POLE: variants seen among roughly 807,000 people sequenced by gnomAD.
The protein encoded by POLE is DNA polymerase epsilon, catalytic subunit, also known as DNA polymerase epsilon catalytic subunit A.
POLE carries 188 observed loss-of-function variants against 279.2 expected under a neutral mutation model. That is an observed-to-expected ratio of 0.67 (90% CI 0.60 to 0.76). The LOEUF (loss-of-function observed/expected upper bound fraction) is 0.76, where lower values mean the gene tolerates loss of function less well. Ranked by LOEUF, POLE falls within the 30% of genes least tolerant of loss-of-function variation. The pLI is 0.00. For synonymous variants in POLE, 1,214 were observed against 1,172.5 expected, an observed-to-expected ratio of 1.04 and a Z score of -0.72; for missense variants, 2,703 against 3,016.7, an observed-to-expected ratio of 0.90 and a Z score of 2.44.
chr12:132,635,811 G>C (rs2042019966), intron 42 of POLE, 81 bp downstream of exon 42: 3 of 1,475,774 alleles, frequency 2.0e-6, no homozygotes, highest in Non-Finnish European at 1.8e-6. Context: ...GGCCCGCCGG[G>C]GCCCTGAGCA....
At chr12:132,643,185 C>A (rs778717278) in intron 35 of POLE, 39 bp downstream of exon 35, 11 of 1,595,096 alleles carry the variant, frequency 6.9e-6, no homozygotes, top group South Asian at 5.5e-5. Context: ...CCAAACCCTG[C>A]CCCAGCCAAT....
At chr12:132,669,050 T>C (rs960533143) in intron 16 of POLE, 111 bp from the exon 17 acceptor site, 27 of 1,026,198 alleles carry the variant, frequency 2.6e-5, no homozygotes, top group Middle Eastern at 2.2e-4. Flanking sequence ...AATATATAAA[T>C]AGAGCAAAAA....
At chr12:132,680,341 C>G (rs1593086687) in intron 3 of POLE, 119 bp from the exon 4 acceptor site, 1 of 921,680 alleles carries the variant, frequency 1.1e-6, no homozygotes, top group Admixed American at 1.9e-5. Context: ...TAGCCTTGAC[C>G]TTGGTAGCAT....
chr12:132,681,219 C>T lies in POLE; in HGVS notation c.123G>A (p.Thr41=), dbSNP rs5744734. Residue 41 remains threonine (T), a synonymous_variant, in exon 2 of 49, where the codon ACG becomes ACA. Transcript: ENST00000320574. ...ALKRLERSQW[T]DKMDLRFGFE... ...AACCAAACCGCAAATCCATCTTATC[C>T]GTCCACTGACTCCGTTCCAGGCGCT... The T allele has an allele frequency of 9.4e-4, 1,522 of 1,614,200 alleles. 9 individuals are homozygous for T. The East Asian group carries it at 0.014, about 15-fold the overall frequency.
rs748438804 is a variant in POLE at position 132,661,264 on chromosome 12, C to T, written c.2865-100G>A. On this transcript the variant is annotated intron_variant, in intron 24 of 48. Transcript: ENST00000320574. The surrounding 1 kb of genome is among the most constrained non-coding windows in gnomAD (Gnocchi z 4.1). ...CTGCCCGCCTCTTCCCTTTCCAACC[C>T]TCCACCTGTCATCCACGAGGCAGCA... 2.3e-4 allele frequency: 261 copies of T among 1,159,052 alleles called. 1 individual carries two copies. The highest frequency in any genetic ancestry group is 2.9e-4 in the Non-Finnish European group (240 of 820,404). 71.8% of individuals were successfully genotyped at this position (1,159,052 alleles called of 1,614,324 possible).
chr12:132,647,792 C>T (rs2042320306), intron 32 of POLE, among the ~76,000 whole-genome samples: 1 of 152,130 alleles, frequency 6.6e-6, no homozygotes, highest in Non-Finnish European at 1.5e-5. Flanking sequence ...ACCCCACAGT[C>T]CCACCTGTTC....
At chr12:132,682,757 T>C (rs530534713) in intron 1 of POLE, among the ~76,000 whole-genome samples, 110 of 151,800 alleles carry the variant, frequency 7.2e-4, no homozygotes, top group African/African-American at 2.5e-3. Flanking sequence ...TTTGAGACCA[T>C]CCTGGCTAAC....
intron 2 of POLE, 185 bp downstream of exon 2, chr12:132,680,953 C>T: frequency 1.5e-6 from 1 of 683,056 alleles, no homozygotes; most frequent in Non-Finnish European, 2.4e-6. Flanking sequence ...CCTCCGGCTT[C>T]TCACAGTGGC....
chr12:132,666,829 C>T (rs1471694496), intron 20 of POLE, among the ~76,000 whole-genome samples: 1 of 152,048 alleles, frequency 6.6e-6, no homozygotes, highest in Non-Finnish European at 1.5e-5. Context: ...TGCTTCATGC[C>T]CCTGAACTGA....
At chr12:132,660,472 G>A (rs936953731) in intron 25 of POLE, 2 of 152,420 alleles carry the variant, frequency 1.3e-5, no homozygotes, top group African/African-American at 4.8e-5. Context: ...GAGATATCTC[G>A]TTCAATGCAA....
Position 132,675,963 on chromosome 12 carries a change from A to C in POLE, c.1020+131T>G. 1.1e-6 allele frequency: 1 copy of C among 935,162 alleles called. No individual in the cohort carries two copies. Among genetic ancestry groups the C allele is most frequent in the Non-Finnish European group, 1.7e-6 (1 of 595,910 alleles). 57.9% of individuals were successfully genotyped at this position (935,162 alleles called of 1,614,324 possible). A position where few individuals can be genotyped will look rare whatever the true frequency, so the allele number is the denominator to read the frequency against. The stretch of plus-strand genomic sequence containing the variant: ...CCTCCGCCCGTCTCTGGCAGAAAAG[A>C]CGGTCATACCCTGAGAACAAAGCTC... On this transcript the variant is annotated intron_variant, in intron 10 of 48. Coordinates refer to ENST00000320574, the MANE Select transcript of POLE (RefSeq NM_006231.4). The surrounding 1 kb of genome is among the most constrained non-coding windows in gnomAD (Gnocchi z 4.3).
rs2138676637 is a variant in POLE, at chr12:132,659,403, G to C, written c.3167C>G (p.Thr1056Arg). The change falls in exon 26 of 49, where the codon ACA (threonine) becomes AGA (arginine). Residue 1056 changes from threonine (T) to arginine (R), a missense_variant. Physicochemically the swap from Thr to Arg is moderately conservative, Grantham distance 71. Around this residue, in one of 5 missense-constraint regions of POLE, gnomAD observed 1,551 missense variants for 1,686.1 expected, o/e 0.92. Transcript: ENST00000320574. Reference protein sequence around the residue: ...YGEQKSTSISTAKRLAEFLGD... With the variant: ...YGEQKSTSISRAKRLAEFLGD... ...CAGGAACTCGGCCAGGCGCTTTGCTGTGCTGATGGACGTAGACTTCTGCTC... is the reference window on the plus strand; with the variant it reads ...CAGGAACTCGGCCAGGCGCTTTGCTCTGCTGATGGACGTAGACTTCTGCTC... 1.2e-6 allele frequency: 2 copies of C among 1,614,240 alleles called. No individual in the cohort carries two copies. Among genetic ancestry groups the C allele is most frequent in the Non-Finnish European group, 1.7e-6 (2 of 1,180,030 alleles).
chr12:132,686,495 A>G (rs910468032), intron 1 of POLE, among the ~76,000 whole-genome samples: 4 of 151,768 alleles, frequency 2.6e-5, no homozygotes, highest in Admixed American at 6.6e-5. Context: ...AGCACTTTGG[A>G]AGGCCGAGGC....
chr12:132,670,859 C>T lies in POLE; in HGVS notation c.1794+1356G>A, dbSNP rs74569103. Among the ~76,000 whole-genome samples the T allele has an allele frequency of 8.9e-3, 1,357 of 152,270 alleles. 14 individuals carry two copies. The highest frequency in any genetic ancestry group is 0.031 in the African/African-American group (1,297 of 41,546). Reference sequence around the variant, plus strand: ...TCTTCCTGATCGGTTCATAAGAGTTCCCTGAAGTATAATAATGGATGTGGC... The same window carrying T: ...TCTTCCTGATCGGTTCATAAGAGTTTCCTGAAGTATAATAATGGATGTGGC... On this transcript the variant is annotated intron_variant, in intron 16 of 48. Coordinates refer to ENST00000320574, the MANE Select transcript of POLE (RefSeq NM_006231.4).
chr12:132,686,225 G>A (rs1189505378), intron 1 of POLE, among the ~76,000 whole-genome samples: 2 of 151,782 alleles, frequency 1.3e-5, no homozygotes, highest in Non-Finnish European at 2.9e-5. Flanking sequence ...CATGTTTACC[G>A]TTTGCTCTGG....
Position 132,657,272 on chromosome 12 carries a change from A to G in POLE, c.3460-14T>C. On this transcript the variant is annotated splice_polypyrimidine_tract_variant and intron_variant, in intron 28 of 48. Transcript: ENST00000320574. ...TGGGTTCTTTACCTGTGTGAGGCCA[A>G]CACCCATCAGAGAGAGACCCTTGTC... is the stretch of plus-strand genomic sequence containing the variant. 1 of 1,614,086 alleles carries G rather than the reference A, an allele frequency of 6.2e-7. No homozygotes were observed. The highest frequency in any genetic ancestry group is 8.5e-7 in the Non-Finnish European group (1 of 1,180,018).
rs539104140 is a variant in POLE, at chr12:132,667,741, C to G, written c.2174-93G>C. The G allele has an allele frequency of 2.2e-6, 3 of 1,342,046 alleles. No individual in the cohort carries two copies. The South Asian group carries it at 3.7e-5, about 17-fold the overall frequency. 83.1% of individuals were successfully genotyped at this position (1,342,046 alleles called of 1,614,324 possible). On this transcript the variant is annotated intron_variant, in intron 19 of 48. Coordinates refer to ENST00000320574, the MANE Select transcript of POLE (RefSeq NM_006231.4). Reference sequence around the variant, plus strand: ...GGGGTGCTGAAGAACATGGCTTCTACGTCACCACAAAGGAGCAACAGCTCA... The same window carrying G: ...GGGGTGCTGAAGAACATGGCTTCTAGGTCACCACAAAGGAGCAACAGCTCA...
intron 29 of POLE, among the ~76,000 whole-genome samples, chr12:132,656,358 C>T (rs2042538228): frequency 1.3e-5 from 2 of 151,820 alleles, no homozygotes; most frequent in South Asian, 4.1e-4. Flanking sequence ...CATCTCAGAA[C>T]CTTTTTCTTT....
chr12:132,632,999 T>C (rs750463278), intron 43 of POLE: 1 of 575,572 alleles, frequency 1.7e-6, no homozygotes. Context: ...CGCTGACACC[T>C]GAGTTCATTG....
Sources: gnomAD v4.1 joint callset for allele counts (sites outside exome capture counted in the v4.1 genomes callset) on GRCh38, gnomAD v4.1.1 for gene constraint, gnomAD v4.1.1 regional missense constraint, Gnocchi (gnomAD v3.1) non-coding constraint, MANE v1.5 for transcripts, NCBI Gene and HGNC (gene_info 2026-07-23, HGNC 2026-07-21) for gene names.